The following CSMD1 variants were observed in gnomAD, a reference collection of about 807,000 sequenced individuals.
CSMD1 encodes the protein CUB and Sushi multiple domains 1, also known as CUB and sushi domain-containing protein 1.
A neutral mutation model predicts 417.5 loss-of-function variants in CSMD1; 213 were observed. That is an observed-to-expected ratio of 0.51 (90% CI 0.46 to 0.57). CSMD1 has a LOEUF of 0.57. CSMD1 is among the 20% of genes least tolerant of loss of function. The pLI is 0.00. For synonymous variants in CSMD1, 2,862 were observed against 1,736.8 expected (o/e 1.65, Z -16.11); for missense variants, 6,923 against 4,529.7 (o/e 1.53, Z -15.17).
chr8:4,118,592 T>C (rs1007297623), intron 3 of CSMD1, among the ~76,000 whole-genome samples: 4 of 152,040 alleles, frequency 2.6e-5, no homozygotes, highest in Admixed American at 6.6e-5. Context: ...AAGGAAACAA[T>C]AGATGCTGGC....
At chr8:3,027,769 C>A (rs1810047481) in intron 51 of CSMD1, among the ~76,000 whole-genome samples, 1 of 152,182 alleles carries the variant, frequency 6.6e-6, no homozygotes, top group African/African-American at 2.4e-5. Context: ...AAACCAGAGG[C>A]AGGAAAACAG....
At chr8:3,515,114 T>C (rs1797232257) in intron 10 of CSMD1, among the ~76,000 whole-genome samples, 1 of 152,214 alleles carries the variant, frequency 6.6e-6, no homozygotes, top group Non-Finnish European at 1.5e-5. Context: ...AAATCAGTCA[T>C]TAATGTTATA....
intron 26 of CSMD1, among the ~76,000 whole-genome samples, chr8:3,257,895 G>A (rs1342263402): frequency 2.6e-5 from 4 of 152,110 alleles, no homozygotes; most frequent in African/African-American, 7.2e-5. Flanking sequence ...TTCTGAAAAT[G>A]TTACAAGGGC....
intron 54 of CSMD1, among the ~76,000 whole-genome samples, chr8:2,986,298 G>A (rs1405587358): frequency 6.6e-6 from 1 of 152,048 alleles, no homozygotes; most frequent in Non-Finnish European, 1.5e-5. Context: ...TATGAAGAGG[G>A]TACTGTGGCT....
At chr8:4,844,027 T>C (rs1800990817) in intron 1 of CSMD1, among the ~76,000 whole-genome samples, 1 of 152,208 alleles carries the variant, frequency 6.6e-6, no homozygotes, top group South Asian at 2.1e-4. Flanking sequence ...TCTCAGCCTG[T>C]AGACTACGGT....
At chr8:4,485,084 G>A (rs1195401131) in intron 2 of CSMD1, among the ~76,000 whole-genome samples, 1 of 150,502 alleles carries the variant, frequency 6.6e-6, no homozygotes, top group Non-Finnish European at 1.5e-5. Flanking sequence ...CACACAGAAA[G>A]GAGATGCTGA....
chr8:3,428,468 A>T (rs1813996915), intron 12 of CSMD1, among the ~76,000 whole-genome samples: 1 of 152,218 alleles, frequency 6.6e-6, no homozygotes, highest in Non-Finnish European at 1.5e-5. Context: ...GTTTATACTG[A>T]GCATATTTTA....
chr8:4,618,991 G>A (rs144062589), intron 2 of CSMD1, among the ~76,000 whole-genome samples: 2 of 152,182 alleles, frequency 1.3e-5, no homozygotes, highest in East Asian at 1.9e-4. Context: ...AATACCAGAA[G>A]GAGATTAAAA....
intron 65 of CSMD1, among the ~76,000 whole-genome samples, chr8:2,951,513 T>C (rs1802633165): frequency 6.6e-6 from 1 of 152,202 alleles, no homozygotes. Context: ...TCTTTTATTA[T>C]TATTAGAAGC....
chr8:4,321,634 C>T (rs1029107250), intron 3 of CSMD1, among the ~76,000 whole-genome samples: 1 of 152,128 alleles, frequency 6.6e-6, no homozygotes, highest in Non-Finnish European at 1.5e-5. Flanking sequence ...TGCTCTACCT[C>T]TGCAAAGTTT....
intron 23 of CSMD1, among the ~76,000 whole-genome samples, chr8:3,319,948 T>C (rs1353395285): frequency 1.3e-5 from 2 of 152,110 alleles, no homozygotes; most frequent in African/African-American, 2.4e-5. Flanking sequence ...TCTGGTTAAT[T>C]TATTGTTATC....
In CSMD1 at chr8:4,637,411, G is replaced by T; in HGVS notation, c.233C>A (p.Ala78Asp). 6.2e-7 allele frequency: 1 copy of T among 1,613,886 alleles called. No homozygotes were observed. The highest frequency in any genetic ancestry group is 8.5e-7 in the Non-Finnish European group (1 of 1,179,864). ...NRIQLSFHTF[A>D]LEEDFDILSV... is the part of the protein sequence containing the mutation. ...TAAAATATCAAAATCTTCTTCAAGAGCAAAGGTATGGAAGGACAACTGTAT... is the reference window on the plus strand; with the variant it reads ...TAAAATATCAAAATCTTCTTCAAGATCAAAGGTATGGAAGGACAACTGTAT... The change falls in exon 2 of 70, where the codon GCT becomes GAT. Residue 78 changes from alanine (A) to aspartate (D), a missense_variant. Physicochemically the swap from Ala to Asp is moderately radical, Grantham distance 126. Coordinates refer to ENST00000635120, the MANE Select transcript of CSMD1 (RefSeq NM_033225.6).
At chr8:4,096,133 T>G (rs1430754926) in intron 3 of CSMD1, among the ~76,000 whole-genome samples, 1 of 152,186 alleles carries the variant, frequency 6.6e-6, no homozygotes, top group Non-Finnish European at 1.5e-5. Context: ...TCCAGGGTCC[T>G]AGATGTTCTA....
At chr8:4,129,068 C>G (rs575885939) in intron 3 of CSMD1, among the ~76,000 whole-genome samples, 5 of 92,726 alleles carry the variant, frequency 5.4e-5, no homozygotes, top group East Asian at 6.9e-4. Flanking sequence ...GAGTGAGAGT[C>G]CAACTCAAAA....
chr8:4,065,546 G>A (rs764386369), intron 3 of CSMD1, among the ~76,000 whole-genome samples: 6 of 103,890 alleles, frequency 5.8e-5, no homozygotes, highest in African/African-American at 1.1e-4. Context: ...TATGTTTCTT[G>A]ATAGTAGCTA....
intron 5 of CSMD1, among the ~76,000 whole-genome samples, chr8:3,843,561 A>G (rs543055421): frequency 1.3e-5 from 2 of 152,196 alleles, no homozygotes; most frequent in African/African-American, 2.4e-5. Flanking sequence ...GTTATTCACG[A>G]TGCTTTTATG....
chr8:4,131,106 G>C (rs1803075586), intron 3 of CSMD1, among the ~76,000 whole-genome samples: 2 of 152,120 alleles, frequency 1.3e-5, no homozygotes, highest in Non-Finnish European at 2.9e-5. Flanking sequence ...CTGTTAAAAG[G>C]AGAACCACTG....
intron 3 of CSMD1, among the ~76,000 whole-genome samples, chr8:4,236,987 T>TCA (rs997289416): frequency 2.0e-5 from 3 of 152,176 alleles, no homozygotes; most frequent in Non-Finnish European, 2.9e-5. Flanking sequence ...AACTATTTTC[T>TCA]CACACACACA....
At chr8:3,553,178 C>T (rs554214745) in intron 10 of CSMD1, among the ~76,000 whole-genome samples, 1 of 151,822 alleles carries the variant, frequency 6.6e-6, no homozygotes, top group East Asian at 1.9e-4. Context: ...CAGTTTCAGG[C>T]TGTGCTAAAT....
Sources: allele counts gnomAD v4.1 joint callset (sites outside exome capture counted in the v4.1 genomes callset), GRCh38; gene constraint gnomAD v4.1.1; transcripts MANE v1.5; gene names NCBI Gene and HGNC (gene_info 2026-07-23, HGNC 2026-07-21).